Variants in SLC4A5 observed in about 807,000 individuals in gnomAD.
The protein encoded by SLC4A5 is solute carrier family 4 member 5.
Under a neutral mutation model 120.4 loss-of-function variants are expected in SLC4A5, and 96 were observed. The observed-to-expected ratio is 0.80, with a 90% CI of 0.68 to 0.94. SLC4A5 has a LOEUF of 0.94. Among genes scored for constraint, SLC4A5 ranks in the 40% least tolerant of loss-of-function variants. The probability of loss-of-function intolerance (pLI) is 0.00; values close to 1 mark genes in which losing one functional copy is unlikely to be tolerated. For missense variants in SLC4A5, 1,259 were observed against 1,459.5 expected, an observed-to-expected ratio of 0.86 and a Z score of 2.24; for synonymous variants, 550 against 571.1, an observed-to-expected ratio of 0.96 and a Z score of 0.53.
At chr2:74,291,905 C>T (rs1672184182) in intron 7 of SLC4A5, among the ~76,000 whole-genome samples, 1 of 152,182 alleles carries the variant, frequency 6.6e-6, no homozygotes, top group South Asian at 2.1e-4. Context: ...CACAGCAGGC[C>T]ACACCAAGTC....
At chr2:74,225,081 C>T (rs1694795981) in intron 27 of SLC4A5, 86 bp from the exon 28 acceptor site, 2 of 1,361,164 alleles carry the variant, frequency 1.5e-6, no homozygotes, top group Non-Finnish European at 2.0e-6. Context: ...ATTTTTTTCT[C>T]CCTCAGTCGG....
At chr2:74,237,283 G>C (rs572895236) in intron 21 of SLC4A5, among the ~76,000 whole-genome samples, 1 of 152,212 alleles carries the variant, frequency 6.6e-6, no homozygotes, top group South Asian at 2.1e-4. Context: ...GCCCAACTGA[G>C]CAATTTTTAA....
chr2:74,236,197 T>A (rs910401963), intron 21 of SLC4A5, among the ~76,000 whole-genome samples: 4 of 152,196 alleles, frequency 2.6e-5, no homozygotes, highest in Admixed American at 6.5e-5. Context: ...TCCATGTCAT[T>A]AACTAATATG....
At chr2:74,327,004 C>T (rs904476283) in intron 5 of SLC4A5, among the ~76,000 whole-genome samples, 3 of 152,170 alleles carry the variant, frequency 2.0e-5, no homozygotes, top group Non-Finnish European at 4.4e-5. Context: ...AGGTGCCCAC[C>T]CCTTCCCTAT....
chr2:74,230,349 G>C (rs964767152), intron 25 of SLC4A5, among the ~76,000 whole-genome samples: 6 of 152,266 alleles, frequency 3.9e-5, no homozygotes, highest in African/African-American at 1.4e-4. Flanking sequence ...AGACCCTTGT[G>C]GGGGACGCCT....
chr2:74,295,192 C>T (rs1057093776), intron 7 of SLC4A5, among the ~76,000 whole-genome samples: 1 of 150,116 alleles, frequency 6.7e-6, no homozygotes, highest in Non-Finnish European at 1.5e-5. Context: ...CAAGGAGATA[C>T]GAGGAGACTC....
chr2:74,265,399 C>G, intron 8 of SLC4A5, 135 bp from the exon 9 acceptor site: 1 of 1,021,066 alleles, frequency 9.8e-7, no homozygotes. Context: ...GACTCACAGG[C>G]AGAGGATCTC....
At chr2:74,320,118 T>C (rs1292321081) in intron 5 of SLC4A5, among the ~76,000 whole-genome samples, 1 of 151,770 alleles carries the variant, frequency 6.6e-6, no homozygotes. Flanking sequence ...TAAAAAGAGA[T>C]TAAACAAATA....
intron 19 of SLC4A5, among the ~76,000 whole-genome samples, chr2:74,245,800 T>C (rs1670591354): frequency 6.6e-6 from 1 of 152,234 alleles, no homozygotes. Context: ...GATTGACTTA[T>C]GATTTTTTTT....
chr2:74,227,674 T>C, intron 26 of SLC4A5, 136 bp downstream of exon 26: 1 of 1,129,224 alleles, frequency 8.9e-7, no homozygotes, highest in East Asian at 2.6e-5. Flanking sequence ...GGTAGTATCA[T>C]TATTACTATT....
intron 17 of SLC4A5, among the ~76,000 whole-genome samples, chr2:74,249,738 T>C (rs1019903875): frequency 6.6e-6 from 1 of 152,104 alleles, no homozygotes; most frequent in African/African-American, 2.4e-5. Flanking sequence ...GGGGCAGCCA[T>C]GGGGAATCCT....
intron 8 of SLC4A5, among the ~76,000 whole-genome samples, chr2:74,267,319 T>C (rs1401718272): frequency 1.3e-5 from 2 of 152,170 alleles, no homozygotes; most frequent in Admixed American, 6.5e-5. Flanking sequence ...GGAATATAAT[T>C]ACACTGCCAC....
At chr2:74,336,208 T>C (rs1197790000) in intron 3 of SLC4A5, among the ~76,000 whole-genome samples, 1 of 152,040 alleles carries the variant, frequency 6.6e-6, no homozygotes, top group African/African-American at 2.4e-5. Context: ...TCTGGGACTA[T>C]AGGCAGGTGC....
chr2:74,311,725 T>C (rs1162537815), intron 6 of SLC4A5, among the ~76,000 whole-genome samples: 2 of 152,234 alleles, frequency 1.3e-5, no homozygotes, highest in Non-Finnish European at 2.9e-5. Flanking sequence ...TCCCAGAATG[T>C]GGTCTGTCTT....
In SLC4A5 at chr2:74,233,569, T is replaced by C; in HGVS notation, c.2434-6A>G. ...CCTCGGTCAGGCCGCGTTGGCTGAG[T>C]GGGAGCAAACAGAGAGGGGCCCTTT... On this transcript the variant is annotated splice_polypyrimidine_tract_variant and splice_region_variant and intron_variant, in intron 22 of 30. Transcript: ENST00000394019. The C allele has an allele frequency of 1.2e-6, 2 of 1,608,478 alleles. No individual in the cohort carries two copies. Among genetic ancestry groups the C allele is most frequent in the Non-Finnish European group, 1.7e-6 (2 of 1,176,832 alleles).
At chr2:74,250,110 C>T (rs1204783509) in intron 17 of SLC4A5, among the ~76,000 whole-genome samples, 1 of 152,136 alleles carries the variant, frequency 6.6e-6, no homozygotes, top group Non-Finnish European at 1.5e-5. Flanking sequence ...AACGGTTTGA[C>T]CTATTTAAAT....
In SLC4A5 at chr2:74,334,020, T is replaced by G. The variant is rs1673427303; in HGVS notation, c.-70+7A>C. ...AAGAAGTTCCCCACAGGCTGGGCAG[T>G]ACTCACCACAGTATGTGCAATTTTT... On this transcript the variant is annotated splice_region_variant and intron_variant, in intron 4 of 30. Transcript: ENST00000394019. 3 of 152,262 alleles carry G rather than the reference T, an allele frequency of 2.0e-5. No individual in the cohort carries two copies. Among genetic ancestry groups the G allele is most frequent in the Admixed American group, 2.0e-4 (3 of 15,284 alleles). 9.4% of individuals were successfully genotyped at this position (152,262 alleles called of 1,614,324 possible).
intron 7 of SLC4A5, among the ~76,000 whole-genome samples, chr2:74,295,086 G>A (rs1189728981): frequency 1.3e-5 from 2 of 152,116 alleles, no homozygotes; most frequent in Non-Finnish European, 2.9e-5. Flanking sequence ...AGGTGAGAGA[G>A]ACCGAGGTAA....
chr2:74,315,198 G>C (rs1351419783), intron 5 of SLC4A5, among the ~76,000 whole-genome samples, 173 bp from the exon 6 acceptor site: 1 of 152,126 alleles, frequency 6.6e-6, no homozygotes, highest in Non-Finnish European at 1.5e-5. Flanking sequence ...CCAGCACTTT[G>C]GGAGGCTGAG....
Sources: allele counts gnomAD v4.1 joint callset (sites outside exome capture counted in the v4.1 genomes callset), GRCh38; gene constraint gnomAD v4.1.1; transcripts MANE v1.5; gene names NCBI Gene and HGNC (gene_info 2026-07-23, HGNC 2026-07-21).